The following EIF3CL variants were observed in gnomAD, a reference collection of about 807,000 sequenced individuals.
EIF3CL encodes the protein eukaryotic translation initiation factor 3 subunit C-like protein.
For missense variants in EIF3CL, 5 were observed against 56.1 expected (o/e 0.09, Z 2.91); for synonymous variants, 2 against 19.6 (o/e 0.10, Z 2.37).
the EIF3CL span, among the ~76,000 whole-genome samples, chr16:28,410,545 GGTTTGGTGT>G: frequency 7.5e-5 from 8 of 106,530 alleles, no homozygotes; most frequent in Admixed American, 5.6e-4. Context: ...ATCAATCACT[GGTTTGGTGT>G]CTATCATCAT....
chr16:28,417,638 C>A, the EIF3CL span, among the ~76,000 whole-genome samples: 1 of 98,102 alleles, frequency 1.0e-5, no homozygotes, highest in Non-Finnish European at 2.2e-5. Flanking sequence ...TAAGAGTCAT[C>A]ACCAATCCCT....
At chr16:28,389,285 GC>G (rs1319879977) in intron 13 of EIF3CL, among the ~76,000 whole-genome samples, 1 of 70,454 alleles carries the variant, frequency 1.4e-5, no homozygotes, top group Non-Finnish European at 2.9e-5. Context: ...GCAACCTCTG[GC>G]CCGCTGGGCT....
At chr16:28,416,801 T>G in the EIF3CL span, among the ~76,000 whole-genome samples, 12 of 47,378 alleles carry the variant, frequency 2.5e-4, no homozygotes, top group Admixed American at 7.3e-4. Context: ...GTCCGGGAGG[T>G]GAGGGGCGCC....
chr16:28,417,090 G>C, the EIF3CL span, among the ~76,000 whole-genome samples: 3 of 108,424 alleles, frequency 2.8e-5, no homozygotes, highest in Non-Finnish European at 6.0e-5. Flanking sequence ...CGCCCCTACT[G>C]GGAAGTGAGG....
chr16:28,385,519 G>A (rs2045596645), intron 15 of EIF3CL, among the ~76,000 whole-genome samples: 1 of 101,716 alleles, frequency 9.8e-6, no homozygotes, highest in Non-Finnish European at 2.2e-5. Context: ...TGTAGAGACA[G>A]GGTTTTGTTA....
At chr16:28,426,103 A>ACACACACACACACACG in the EIF3CL span, among the ~76,000 whole-genome samples, 2 of 101,998 alleles carry the variant, frequency 2.0e-5, no homozygotes, top group South Asian at 5.1e-4. Context: ...ACACACACAT[A>ACACACACACACACACG]CACACACACA....
the EIF3CL span, among the ~76,000 whole-genome samples, chr16:28,415,762 G>T: frequency 5.9e-5 from 8 of 136,606 alleles, 1 homozygote; most frequent in African/African-American, 1.4e-4. Context: ...AAAAAAAAAA[G>T]TTGGAGGATT....
chr16:28,396,732 T>C (rs1479991142), intron 8 of EIF3CL, among the ~76,000 whole-genome samples: 1 of 33,170 alleles, frequency 3.0e-5, no homozygotes, highest in Non-Finnish European at 8.0e-5. Context: ...TACACCTCAA[T>C]AAAGCTATTA....
At chr16:28,403,366 C>T (rs2045669192) in intron 2 of EIF3CL, 152 bp downstream of exon 2, 1 of 40,596 alleles carries the variant, frequency 2.5e-5, no homozygotes, top group African/African-American at 7.9e-5. Flanking sequence ...GGCTGTCTCT[C>T]TCCAACACCG....
the EIF3CL span, among the ~76,000 whole-genome samples, chr16:28,418,199 G>T: frequency 1.4e-5 from 2 of 143,040 alleles, no homozygotes; most frequent in East Asian, 4.3e-4. Context: ...TTGCTCTGTT[G>T]CCCAGGCTGG....
chr16:28,414,927 G>C, the EIF3CL span: 3 of 513,418 alleles, frequency 5.8e-6, 1 homozygote, highest in Admixed American at 6.5e-5. Context: ...CCCCAACTCT[G>C]AGGTCAGCGA....
the EIF3CL span, among the ~76,000 whole-genome samples, chr16:28,415,848 C>CTCTCCG: frequency 2.1e-4 from 16 of 75,896 alleles, 1 homozygote; most frequent in South Asian, 1.2e-3. Context: ...CTCCCTCTCC[C>CTCTCCG]TCTCCGTCTC....
chr16:28,417,219 G>A, the EIF3CL span, among the ~76,000 whole-genome samples: 3 of 149,292 alleles, frequency 2.0e-5, no homozygotes, highest in Admixed American at 2.0e-4. Context: ...TGCCCGGCGA[G>A]CCGCCCCATC....
At chr16:28,417,872 CAAAAA>C in the EIF3CL span, among the ~76,000 whole-genome samples, 283 of 109,674 alleles carry the variant, frequency 2.6e-3, 1 homozygote, top group South Asian at 0.013. Context: ...TTTAGGAATG[CAAAAA>C]AAAAAAAAAA....
chr16:28,387,669 C>A (rs1349952684), intron 15 of EIF3CL, among the ~76,000 whole-genome samples: 2 of 149,362 alleles, frequency 1.3e-5, no homozygotes, highest in Non-Finnish European at 3.0e-5. Context: ...ACCAGCAGTA[C>A]CCCCAGACAG....
At chr16:28,417,786 C>T in the EIF3CL span, among the ~76,000 whole-genome samples, 1 of 138,130 alleles carries the variant, frequency 7.2e-6, no homozygotes, top group Non-Finnish European at 1.6e-5. Flanking sequence ...AAATCCCCCT[C>T]TGTGAGAAAC....
chr16:28,418,752 C>T, the EIF3CL span, among the ~76,000 whole-genome samples: 2 of 151,370 alleles, frequency 1.3e-5, no homozygotes, highest in East Asian at 4.0e-4. Flanking sequence ...GCCTCAGCAT[C>T]CTGAGTAGCC....
upstream of EIF3CL, among the ~76,000 whole-genome samples, chr16:28,405,843 T>A (rs1422208729): frequency 6.6e-6 from 1 of 152,288 alleles, no homozygotes; most frequent in East Asian, 1.9e-4. Context: ...CTTCCAGATG[T>A]CACTTTGTGC....
the EIF3CL span, among the ~76,000 whole-genome samples, chr16:28,417,280 G>T: frequency 2.7e-5 from 4 of 149,114 alleles, no homozygotes. Context: ...GAAGTGAGGA[G>T]CCCCTCTGAC....
Sources: allele counts gnomAD v4.1 joint callset (sites outside exome capture counted in the v4.1 genomes callset), GRCh38; gene constraint gnomAD v4.1.1; transcripts MANE v1.5; gene names NCBI Gene and HGNC (gene_info 2026-07-23, HGNC 2026-07-21).